NTSR1: variants seen among roughly 807,000 people sequenced by gnomAD.
NTSR1 encodes the protein neurotensin receptor 1.
A neutral mutation model predicts 31.2 loss-of-function variants in NTSR1; 29 were observed. The ratio of observed to expected loss-of-function variants is 0.93; its 90% CI spans 0.69 to 1.27. The LOEUF (loss-of-function observed/expected upper bound fraction) is 1.27. Among genes scored for constraint, NTSR1 ranks in the 50% most tolerant of loss-of-function variants. The pLI, the probability that NTSR1 is intolerant of heterozygous loss-of-function variation, is 0.00. For missense variants in NTSR1, 697 were observed against 595.4 expected (o/e 1.17, Z -1.78); for synonymous variants, 282 against 269.9 (o/e 1.04, Z -0.44).
rs1413499757 is a variant in NTSR1 at position 62,745,025 on chromosome 20, C to G, written c.715-9660C>G. Among the ~76,000 whole-genome samples, 2 of 152,206 alleles carry G rather than the reference C, an allele frequency of 1.3e-5. No homozygotes were observed. Among genetic ancestry groups the G allele is most frequent in the South Asian group, 2.1e-4 (1 of 4,834 alleles). On this transcript the variant is annotated intron_variant, in intron 1 of 3. Coordinates refer to ENST00000370501, the MANE Select transcript of NTSR1 (RefSeq NM_002531.3). This position sits in a 1 kb window ranked among gnomAD's most constrained non-coding sequence, Gnocchi z 4.1. ...CACCACGGCTGTCACAGCAGACACCCCTGTCTCCCACCATGACCTTCTGCT... is the reference window on the plus strand; with the variant it reads ...CACCACGGCTGTCACAGCAGACACCGCTGTCTCCCACCATGACCTTCTGCT...
chr20:62,739,869 C>T (rs1372902309), intron 1 of NTSR1, among the ~76,000 whole-genome samples: 2 of 152,242 alleles, frequency 1.3e-5, no homozygotes, highest in African/African-American at 2.4e-5. Context: ...GGGTGCGGGA[C>T]GCATATGCTG....
intron 1 of NTSR1, 40 bp from the exon 2 acceptor site, chr20:62,754,645 C>A: frequency 6.4e-7 from 1 of 1,556,092 alleles, no homozygotes; most frequent in Non-Finnish European, 8.8e-7. Context: ...GCATGAGTCC[C>A]GCTGCTGGCT....
rs553140783 is a variant in NTSR1 at position 62,715,530 on chromosome 20, G to A, written c.714+5609G>A. Among the ~76,000 whole-genome samples, 3 of 152,350 alleles carry A rather than the reference G, an allele frequency of 2.0e-5. No homozygotes were observed. The highest frequency in any genetic ancestry group is 7.2e-5 in the African/African-American group (3 of 41,570). ...GTGGGAACGTGAGGGGCCCAGAGCT[G>A]GCCATGGCTGGCTCTGACTGGGCTT... On this transcript the variant is annotated intron_variant, in intron 1 of 3. Transcript: ENST00000370501. This position sits in a 1 kb window ranked among gnomAD's most constrained non-coding sequence, Gnocchi z 4.7.
chr20:62,752,370 GGAAGA>G (rs768460891), intron 1 of NTSR1, among the ~76,000 whole-genome samples: 1 of 152,038 alleles, frequency 6.6e-6, no homozygotes, highest in Non-Finnish European at 1.5e-5. Flanking sequence ...TGTGCGTCTG[GGAAGA>G]GAAGGCCGGC....
Position 62,760,784 on chromosome 20 carries a change from GC to G in NTSR1, c.*523del, listed in dbSNP as rs939662729. 2.0e-4 allele frequency: 30 copies of G among 152,800 alleles called. No individual in the cohort carries two copies. The highest frequency in any genetic ancestry group is 3.2e-4 in the Admixed American group (5 of 15,386). The allele number at this position is 152,800 out of a possible 1,614,324, so 9.5% of individuals were successfully genotyped here. On this transcript the variant is annotated 3_prime_UTR_variant, in exon 4 of 4. Coordinates refer to ENST00000370501, the MANE Select transcript of NTSR1 (RefSeq NM_002531.3). ...TGCAGACCCTGCCATGCAGACCCAT[GC>G]CCCCCTCCCCCAGGCAGCTCCAAGA...
At position 62,714,461 on chromosome 20, in the gene NTSR1, C is replaced by T. The variant is rs1419785637; in HGVS notation, c.714+4540C>T. Among the ~76,000 whole-genome samples, 1 of 152,206 alleles carries T rather than the reference C, an allele frequency of 6.6e-6. No individual in the cohort carries two copies. Among genetic ancestry groups the T allele is most frequent in the Non-Finnish European group, 1.5e-5 (1 of 68,036 alleles). The stretch of plus-strand genomic sequence containing the variant: ...AAGGAGCAGGATGGTCAGAATACCA[C>T]CCATCAGGTGCAATCCTCATAAATC... On this transcript the variant is annotated intron_variant, in intron 1 of 3. Coordinates refer to ENST00000370501, the MANE Select transcript of NTSR1 (RefSeq NM_002531.3). The surrounding 1 kb of genome is among the most constrained non-coding windows in gnomAD (Gnocchi z 4.1).
In NTSR1 at chr20:62,732,743, T is replaced by C. The variant is rs541524494; in HGVS notation, c.715-21942T>C. 5.9e-5 allele frequency: 9 copies of C among 152,344 alleles called. No individual in the cohort carries two copies. The highest frequency in any genetic ancestry group is 5.9e-4 in the Admixed American group (9 of 15,308). The allele number at this position is 152,344 out of a possible 1,614,324, so 9.4% of individuals were successfully genotyped here. On this transcript the variant is annotated intron_variant, in intron 1 of 3. Coordinates refer to ENST00000370501, the MANE Select transcript of NTSR1 (RefSeq NM_002531.3). The surrounding 1 kb of genome is among the most constrained non-coding windows in gnomAD (Gnocchi z 4.0). Reference sequence around the variant, plus strand: ...CGTAGAGTGAGTTATAAAGTGTTCCTCTGCTTCTATTTCCTGGAAGAGACT... The same window carrying C: ...CGTAGAGTGAGTTATAAAGTGTTCCCCTGCTTCTATTTCCTGGAAGAGACT...
chr20:62,721,486 G>T (rs1292755242), intron 1 of NTSR1, among the ~76,000 whole-genome samples: 2 of 152,258 alleles, frequency 1.3e-5, no homozygotes, highest in African/African-American at 4.8e-5. Flanking sequence ...CTTGGTCAGA[G>T]CTGCCGCTTT....
chr20:62,756,116 AG>A (rs1404740086), intron 2 of NTSR1, among the ~76,000 whole-genome samples: 1 of 151,934 alleles, frequency 6.6e-6, no homozygotes, highest in Admixed American at 6.6e-5. Context: ...CTGGGGGAAC[AG>A]GGGCTCCACC....
At chr20:62,759,868 A>C (rs1989583592) in intron 3 of NTSR1, 150 bp from the exon 4 acceptor site, 3 of 748,930 alleles carry the variant, frequency 4.0e-6, no homozygotes, top group Non-Finnish European at 6.6e-6. Flanking sequence ...GGAGCTTGTT[A>C]TGAAATGTCC....
At chr20:62,756,872 C>T (rs1407775943) in intron 2 of NTSR1, 1 of 152,236 alleles carries the variant, frequency 6.6e-6, no homozygotes, top group Non-Finnish European at 1.5e-5. Context: ...CTTTCATGTG[C>T]TTGTTGACCA....
At chr20:62,716,932 G>A (rs1988738813) in intron 1 of NTSR1, among the ~76,000 whole-genome samples, 1 of 152,228 alleles carries the variant, frequency 6.6e-6, no homozygotes, top group Non-Finnish European at 1.5e-5. Context: ...CTGTTCCCCC[G>A]CCATGCCCTG....
intron 1 of NTSR1, among the ~76,000 whole-genome samples, chr20:62,713,825 C>A (rs938292670): frequency 6.6e-6 from 1 of 152,176 alleles, no homozygotes; most frequent in Non-Finnish European, 1.5e-5. Context: ...GAAGGCCGGG[C>A]GTGGTGGCTC....
chr20:62,727,296 G>A (rs1988925213), intron 1 of NTSR1, among the ~76,000 whole-genome samples: 1 of 152,328 alleles, frequency 6.6e-6, no homozygotes, highest in East Asian at 1.9e-4. Context: ...TGAGGACAGG[G>A]TTTCCTCTCC....
chr20:62,754,575 C>T lies in NTSR1; in HGVS notation c.715-110C>T, dbSNP rs1330319966. The T allele has an allele frequency of 4.6e-6, 4 of 863,282 alleles. 1 individual carries two copies. In the African/African-American group the frequency reaches 6.5e-5, roughly 14 times the overall value. The allele number at this position is 863,282 out of a possible 1,614,324, so 53.5% of individuals were successfully genotyped here. Reference sequence around the variant, plus strand: ...ACCTCCTGAACTTGTGTTGACTGAGCACCTCACACTGAGCAGGCCTGACAC... The same window carrying T: ...ACCTCCTGAACTTGTGTTGACTGAGTACCTCACACTGAGCAGGCCTGACAC... On this transcript the variant is annotated intron_variant, in intron 1 of 3. Coordinates refer to ENST00000370501, the MANE Select transcript of NTSR1 (RefSeq NM_002531.3).
rs1989217422 is a variant in NTSR1, at chr20:62,742,192, C to T, written c.715-12493C>T. On this transcript the variant is annotated intron_variant, in intron 1 of 3. Transcript: ENST00000370501. This position sits in a 1 kb window ranked among gnomAD's most constrained non-coding sequence, Gnocchi z 7.1. ...CATTTCATCCCCTCCCCACAGTGGT[C>T]CCACAGACACCGAGGTGGCTGACAT... 6.7e-6 allele frequency among the ~76,000 whole-genome samples: 1 copy of T among 149,502 alleles called. No individual in the cohort carries two copies. Among genetic ancestry groups the T allele is most frequent in the South Asian group, 2.1e-4 (1 of 4,784 alleles).
At chr20:62,739,585 G>A (rs562159508) in intron 1 of NTSR1, among the ~76,000 whole-genome samples, 6 of 152,360 alleles carry the variant, frequency 3.9e-5, no homozygotes, top group South Asian at 4.1e-4. Flanking sequence ...GGCCTCTTCC[G>A]GTGGGTGAGG....
rs776550155 is a variant in NTSR1 at position 62,758,370 on chromosome 20, A to G, written c.1007+14A>G. On this transcript the variant is annotated intron_variant, in intron 3 of 3. Transcript: ENST00000370501. This position sits in a 1 kb window ranked among gnomAD's most constrained non-coding sequence, Gnocchi z 4.5. ...GCAGTGGACTCCGTGAGTACCGGGA[A>G]CCAGGAAGTTGGGTGCTGGACAAGT... The G allele has an allele frequency of 1.9e-6, 3 of 1,611,752 alleles. No individual in the cohort carries two copies. The highest frequency in any genetic ancestry group is 2.5e-6 in the Non-Finnish European group (3 of 1,178,442).
Position 62,709,323 on chromosome 20 carries a change from C to G in NTSR1, c.116C>G (p.Ser39Trp). ...ALLAPGFGNA[S>W]GNASERVLAA... The stretch of plus-strand genomic sequence containing the variant: ...CTGGCCCCGGGCTTCGGCAACGCTT[C>G]GGGCAACGCGTCGGAGCGCGTCCTG... The change falls in exon 1 of 4, where the codon TCG becomes TGG. Residue 39 changes from serine to tryptophan, a missense_variant. Coordinates refer to ENST00000370501, the MANE Select transcript of NTSR1 (RefSeq NM_002531.3). 6.2e-7 allele frequency: 1 copy of G among 1,607,662 alleles called. No individual in the cohort carries two copies. The highest frequency in any genetic ancestry group is 8.5e-7 in the Non-Finnish European group (1 of 1,178,070).
Sources: allele counts gnomAD v4.1 joint callset (sites outside exome capture counted in the v4.1 genomes callset), GRCh38; gene constraint gnomAD v4.1.1; non-coding constraint Gnocchi (gnomAD v3.1); transcripts MANE v1.5; gene names NCBI Gene and HGNC (gene_info 2026-07-23, HGNC 2026-07-21).